The following WIF1 variants were observed in gnomAD, a reference collection of about 807,000 sequenced individuals.
WIF1 encodes the protein Wnt inhibitory factor 1.
A neutral mutation model predicts 53.5 loss-of-function variants in WIF1; 35 were observed. That is an observed-to-expected ratio of 0.65 (90% CI 0.50 to 0.87). WIF1 has a LOEUF of 0.87. Ranked by LOEUF, WIF1 falls within the 40% of genes least tolerant of loss-of-function variation. The pLI, the probability that WIF1 is intolerant of heterozygous loss-of-function variation, is 0.00. For missense variants in WIF1, 467 were observed against 476.8 expected, an observed-to-expected ratio of 0.98 and a Z score of 0.19; for synonymous variants, 171 against 170.4, an observed-to-expected ratio of 1.00 and a Z score of -0.03.
intron 3 of WIF1, among the ~76,000 whole-genome samples, chr12:65,071,555 A>G (rs2136617673): frequency 6.6e-6 from 1 of 152,284 alleles, no homozygotes; most frequent in Non-Finnish European, 1.5e-5. Flanking sequence ...GATATGAAAT[A>G]TTTTCCTTCT....
chr12:65,100,814 A>G (rs936277035), intron 2 of WIF1, among the ~76,000 whole-genome samples: 5 of 152,146 alleles, frequency 3.3e-5, no homozygotes, highest in Admixed American at 3.3e-4. Flanking sequence ...TGAGCCCAGG[A>G]GTTCAAGACT....
chr12:65,091,748 C>CA (rs1342555892), intron 2 of WIF1, among the ~76,000 whole-genome samples: 3 of 152,208 alleles, frequency 2.0e-5, no homozygotes, highest in African/African-American at 7.2e-5. Context: ...TAATTAAGAA[C>CA]AAAATCTTTT....
intron 7 of WIF1, among the ~76,000 whole-genome samples, chr12:65,058,759 C>A (rs1882567250): frequency 6.6e-6 from 1 of 152,092 alleles, no homozygotes; most frequent in Admixed American, 6.6e-5. Flanking sequence ...CTTAAAGAGA[C>A]TAAGCCCTGG....
intron 2 of WIF1, among the ~76,000 whole-genome samples, chr12:65,093,444 C>T (rs1883154707): frequency 6.6e-6 from 1 of 152,130 alleles, no homozygotes; most frequent in African/African-American, 2.4e-5. Flanking sequence ...TCCTTCATTA[C>T]TTTTTACTTA....
At chr12:65,113,476 T>C (rs1883462847) in intron 2 of WIF1, among the ~76,000 whole-genome samples, 1 of 152,180 alleles carries the variant, frequency 6.6e-6, no homozygotes, top group Non-Finnish European at 1.5e-5. Context: ...GGTTTGTTTA[T>C]GTGCTTTTAT....
At chr12:65,056,366 CTTTTTTT>C (rs10584146) in intron 7 of WIF1, among the ~76,000 whole-genome samples, 1 of 24,222 alleles carries the variant, frequency 4.1e-5, no homozygotes, top group African/African-American at 1.4e-4. Context: ...CATTTATATC[CTTTTTTT>C]TTTTTTTTTT....
At chr12:65,108,203 G>A (rs1365709998) in intron 2 of WIF1, among the ~76,000 whole-genome samples, 1 of 152,174 alleles carries the variant, frequency 6.6e-6, no homozygotes, top group Non-Finnish European at 1.5e-5. Context: ...TTGAGAGCAA[G>A]CATCATATCC....
At chr12:65,118,516 T>C (rs1883546655) in intron 2 of WIF1, among the ~76,000 whole-genome samples, 1 of 152,214 alleles carries the variant, frequency 6.6e-6, no homozygotes, top group Non-Finnish European at 1.5e-5. Flanking sequence ...TGGTAACCTA[T>C]TCAAAGCCGA....
At chr12:65,056,804 C>T (rs1039893465) in intron 7 of WIF1, among the ~76,000 whole-genome samples, 1 of 151,884 alleles carries the variant, frequency 6.6e-6, no homozygotes, top group African/African-American at 2.4e-5. Context: ...CATGTGCCAC[C>T]ATGCCCAGCT....
intron 2 of WIF1, among the ~76,000 whole-genome samples, chr12:65,116,433 C>T (rs904565483): frequency 3.3e-5 from 5 of 151,600 alleles, no homozygotes; most frequent in Non-Finnish European, 5.9e-5. Flanking sequence ...AATCTAATGC[C>T]TGATCATCTG....
At chr12:65,052,905 C>T (rs1882462684) in intron 9 of WIF1, among the ~76,000 whole-genome samples, 1 of 152,182 alleles carries the variant, frequency 6.6e-6, no homozygotes, top group African/African-American at 2.4e-5. Context: ...CCTTGTGCTC[C>T]CCTCTTCATC....
intron 2 of WIF1, among the ~76,000 whole-genome samples, chr12:65,118,225 T>C (rs576118927): frequency 1.3e-5 from 2 of 152,366 alleles, no homozygotes; most frequent in South Asian, 4.1e-4. Context: ...AATGAAATTT[T>C]CATTTTCCAT....
At chr12:65,059,012 A>ACT (rs1289283505) in intron 7 of WIF1, among the ~76,000 whole-genome samples, 2 of 152,068 alleles carry the variant, frequency 1.3e-5, no homozygotes, top group Non-Finnish European at 2.9e-5. Flanking sequence ...AGATGGCGCC[A>ACT]CTGCACTCCA....
chr12:65,062,533 G>A lies in WIF1; in HGVS notation c.774C>T (p.Tyr258=). ...TTCFNGGTCF[Y]PGKCICPPGL... is the part of the protein sequence containing the mutation. ...CTGGAGGGCAAATACATTTTCCAGG[G>A]TAGAAACAGGTCCCTCCATTAAAGC... The change falls in exon 7 of 10, where the codon TAC becomes TAT. Residue 258 remains tyrosine (Y), a synonymous_variant. Coordinates refer to ENST00000286574, the MANE Select transcript of WIF1 (RefSeq NM_007191.5). 1 of 1,608,756 alleles carries A rather than the reference G, an allele frequency of 6.2e-7. No individual in the cohort carries two copies. The highest frequency in any genetic ancestry group is 8.5e-7 in the Non-Finnish European group (1 of 1,177,176).
chr12:65,071,095 G>T (rs1882765275), intron 3 of WIF1, among the ~76,000 whole-genome samples: 1 of 151,752 alleles, frequency 6.6e-6, no homozygotes, highest in African/African-American at 2.4e-5. Context: ...ATTAGCCGGT[G>T]TGTTGGCATA....
chr12:65,054,992 A>G (rs950784992), intron 9 of WIF1, 126 bp downstream of exon 9: 4 of 909,362 alleles, frequency 4.4e-6, no homozygotes, highest in Non-Finnish European at 4.9e-6. Flanking sequence ...GGGCTGAGTT[A>G]TAGGTTGACT....
intron 3 of WIF1, among the ~76,000 whole-genome samples, chr12:65,074,896 A>T (rs1271167509): frequency 6.6e-6 from 1 of 151,622 alleles, no homozygotes; most frequent in East Asian, 1.9e-4. Context: ...AGGGCATGAG[A>T]TTGAGTGATG....
chr12:65,078,394 T>A (rs1215787195), intron 2 of WIF1, among the ~76,000 whole-genome samples: 1 of 152,024 alleles, frequency 6.6e-6, no homozygotes, highest in Non-Finnish European at 1.5e-5. Flanking sequence ...TTTTTTAACT[T>A]AAATGATATT....
intron 2 of WIF1, among the ~76,000 whole-genome samples, chr12:65,113,972 G>A (rs1482776639): frequency 1.3e-5 from 2 of 152,054 alleles, no homozygotes; most frequent in Non-Finnish European, 2.9e-5. Flanking sequence ...GGAGTGCAAA[G>A]GTATGAAACC....
Sources: allele counts gnomAD v4.1 joint callset (sites outside exome capture counted in the v4.1 genomes callset), GRCh38; gene constraint gnomAD v4.1.1; transcripts MANE v1.5; gene names NCBI Gene and HGNC (gene_info 2026-07-23, HGNC 2026-07-21).